KRT79: variants seen among roughly 807,000 people sequenced by gnomAD.
The protein encoded by KRT79 is keratin 79.
KRT79 carries 51 observed loss-of-function variants against 49.0 expected under a neutral mutation model. The observed-to-expected ratio is 1.04, with a 90% CI of 0.83 to 1.31. The LOEUF (loss-of-function observed/expected upper bound fraction) is 1.31. Ranked by LOEUF, KRT79 falls within the 40% of genes most tolerant of loss-of-function variation. The pLI is 0.00. For missense variants in KRT79, 728 were observed against 688.0 expected, an observed-to-expected ratio of 1.06 and a Z score of -0.65; for synonymous variants, 312 against 286.6, an observed-to-expected ratio of 1.09 and a Z score of -0.90.
intron 4 of KRT79, among the ~76,000 whole-genome samples, chr12:52,828,065 C>T (rs545800689): frequency 6.6e-6 from 1 of 152,300 alleles, no homozygotes; most frequent in East Asian, 1.9e-4. Flanking sequence ...ATAAGGCTGA[C>T]ATCAACCTCC....
Position 52,824,309 on chromosome 12 carries a change from C to A in KRT79, c.909G>T (p.Met303Ile). ...HVSNTNVVLS[M>I]DNNRNLDLDS... ...CCAGGTCCAGGTTGCGGTTGTTGTC[C>A]ATGGACAGCACCACATTGGTGTTAG... is the stretch of plus-strand genomic sequence containing the variant. Residue 303 changes from methionine to isoleucine, a missense_variant, in exon 5 of 9, where the codon ATG becomes ATT. Physicochemically the swap from Met to Ile is conservative, Grantham distance 10. Transcript: ENST00000330553. 1 of 1,614,214 alleles carries A rather than the reference C, an allele frequency of 6.2e-7. No homozygotes were observed. The highest frequency in any genetic ancestry group is 8.5e-7 in the Non-Finnish European group (1 of 1,180,042).
At chr12:52,827,660 G>A (rs1940195691) in intron 4 of KRT79, among the ~76,000 whole-genome samples, 1 of 152,164 alleles carries the variant, frequency 6.6e-6, no homozygotes, top group Admixed American at 6.5e-5. Context: ...AAACACCAAA[G>A]CCAGGGGTCA....
In KRT79 at chr12:52,824,535, A is replaced by G. The variant is rs73305808; in HGVS notation, c.856-173T>C. ...AGGAAAGGCCTCAGTCTCCCCAGCT[A>G]TAAAATGAAGCTCCCATTTTTACAG... On this transcript the variant is annotated intron_variant, in intron 4 of 8. Transcript: ENST00000330553. 6.6e-3 allele frequency among the ~76,000 whole-genome samples: 1,012 copies of G among 152,392 alleles called. 10 individuals are homozygous for G. The highest frequency in any genetic ancestry group is 0.023 in the African/African-American group (962 of 41,598).
Position 52,834,150 on chromosome 12 carries a change from C to T in KRT79, c.111G>A (p.Thr37=), listed in dbSNP as rs373619417. The change falls in exon 1 of 9, where the codon ACG becomes ACA. Residue 37 remains threonine (T), a synonymous_variant. Transcript: ENST00000330553. ...SQARTSFSSV[T]VSRSSGSGGG... Reference sequence around the variant, plus strand: ...CACCACTGCCACTGCTCCGAGACACCGTCACTGAGCTGAAGCTGGTGCGGG... The same window carrying T: ...CACCACTGCCACTGCTCCGAGACACTGTCACTGAGCTGAAGCTGGTGCGGG... 1.2e-5 allele frequency: 19 copies of T among 1,613,574 alleles called. No individual in the cohort carries two copies. Among genetic ancestry groups the T allele is most frequent in the East Asian group, 6.7e-5 (3 of 44,834 alleles).
chr12:52,825,456 C>G (rs536708240), intron 4 of KRT79, among the ~76,000 whole-genome samples: 4 of 152,280 alleles, frequency 2.6e-5, no homozygotes, highest in African/African-American at 9.6e-5. Flanking sequence ...ATTACATGCC[C>G]TTTTCCAGTA....
At chr12:52,829,902 T>C (rs1592318464) in intron 4 of KRT79, 121 bp downstream of exon 4, 17 of 792,656 alleles carry the variant, frequency 2.1e-5, no homozygotes, top group South Asian at 5.1e-5. Flanking sequence ...AAAAAAAAAG[T>C]GTTAAGGTTT....
Position 52,821,931 on chromosome 12 carries a change from CAG to C in KRT79, c.1547_1548del (p.Ser516CysfsTer95). 1 of 1,614,178 alleles carries C rather than the reference CAG, an allele frequency of 6.2e-7. No homozygotes were observed. Among genetic ancestry groups the C allele is most frequent in the Middle Eastern group, 1.6e-4 (1 of 6,062 alleles). On this transcript the variant is annotated frameshift_variant, in exon 9 of 9. Transcript: ENST00000330553. LOFTEE classifies it high-confidence loss of function. ...GTCTTCCGCAGGATGGAGGTGCCCG[CAG>C]AGACTGGCCCTCCCTTGACGGTGCT... The part of the protein sequence containing the change: ...GYSTVKGGPV[S>X]AGTSILRKTT...
In KRT79 at chr12:52,824,319, A is replaced by G; in HGVS notation, c.899T>C (p.Val300Ala). Residue 300 changes from valine (V) to alanine (A), a missense_variant, in exon 5 of 9, where the codon GTG becomes GCG. Physicochemically the swap from Val to Ala is moderately conservative, Grantham distance 64. Coordinates refer to ENST00000330553, the MANE Select transcript of KRT79 (RefSeq NM_175834.3). ...VQTHVSNTNVVLSMDNNRNLD... is the reference protein window; with the variant it reads ...VQTHVSNTNVALSMDNNRNLD... ...GTTGCGGTTGTTGTCCATGGACAGC[A>G]CCACATTGGTGTTAGACACGTGGGT... 1 of 1,614,208 alleles carries G rather than the reference A, an allele frequency of 6.2e-7. No homozygotes were observed. The highest frequency in any genetic ancestry group is 8.5e-7 in the Non-Finnish European group (1 of 1,180,046).
chr12:52,823,115 G>A lies in KRT79; in HGVS notation c.1268C>T (p.Thr423Ile), dbSNP rs1940121493. Residue 423 changes from threonine to isoleucine, a missense_variant, in exon 7 of 9, where the codon ACA becomes ATA. Thr to Ile is a moderately conservative substitution (Grantham distance 89). Transcript: ENST00000330553. ...CTCCTGGTAGTCACGCAGCAGCCGT[G>A]TCAGGTCCTCCTTGGCCTGGTGCAG... ...VALHQAKEDLTRLLRDYQELM... is the reference protein window; with the variant it reads ...VALHQAKEDLIRLLRDYQELM... The A allele has an allele frequency of 1.1e-5, 18 of 1,614,090 alleles. No homozygotes were observed. The highest frequency in any genetic ancestry group is 2.2e-5 in the East Asian group (1 of 44,894).
intron 7 of KRT79, 132 bp downstream of exon 7, chr12:52,822,884 T>C (rs760530645): frequency 1.8e-4 from 149 of 829,744 alleles, no homozygotes; most frequent in Non-Finnish European, 2.4e-4. Context: ...CAAGCAGATT[T>C]TCCCCCCGCG....
At chr12:52,822,251 G>C (rs753830566) in intron 8 of KRT79, 94 bp downstream of exon 8, 6 of 1,389,726 alleles carry the variant, frequency 4.3e-6, no homozygotes, top group African/African-American at 4.3e-5. Flanking sequence ...GAATGGAGGA[G>C]AGCATGCTTT....
In KRT79 at chr12:52,822,050, C is replaced by CA; in HGVS notation, c.1429dup (p.Cys477LeufsTer32). ...TCCAAAGCTGGCTGCGCCACCTCCG[C>CA]ACACAGTGGTGGAGTTGCCAGTCAC... On this transcript the variant is annotated frameshift_variant, in exon 9 of 9. Coordinates refer to ENST00000330553, the MANE Select transcript of KRT79 (RefSeq NM_175834.3). LOFTEE classifies it low-confidence loss of function (END_TRUNC). The CA allele has an allele frequency of 6.2e-7, 1 of 1,614,158 alleles. No individual in the cohort carries two copies.
intron 6 of KRT79, 83 bp from the exon 7 acceptor site, chr12:52,823,319 C>G (rs1940127216): frequency 2.7e-6 from 3 of 1,106,158 alleles, no homozygotes; most frequent in Non-Finnish European, 4.0e-6. Context: ...GAGACATCAT[C>G]ATTCCCACAT....
intron 2 of KRT79, 26 bp downstream of exon 2, chr12:52,831,380 G>C (rs763612295): frequency 6.2e-7 from 1 of 1,605,936 alleles, no homozygotes; most frequent in Non-Finnish European, 8.5e-7. Context: ...ACTCCCACAT[G>C]GCCCCGCCTG....
Position 52,824,343 on chromosome 12 carries a change from G to C in KRT79, c.875C>G (p.Thr292Ser). The C allele has an allele frequency of 6.2e-7, 1 of 1,614,138 alleles. No individual in the cohort carries two copies. The highest frequency in any genetic ancestry group is 8.5e-7 in the Non-Finnish European group (1 of 1,179,978). The stretch of plus-strand genomic sequence containing the variant: ...CACCACATTGGTGTTAGACACGTGG[G>C]TCTGCACTTGGCTCAGCTCCTGAAG... ...LYEMELSQVQ[T>S]HVSNTNVVLS... The change falls in exon 5 of 9, where the codon ACC (threonine) becomes AGC (serine). Residue 292 changes from threonine (T) to serine (S), a missense_variant. Physicochemically the swap from Thr to Ser is moderately conservative, Grantham distance 58. Coordinates refer to ENST00000330553, the MANE Select transcript of KRT79 (RefSeq NM_175834.3).
At chr12:52,822,418 C>G (rs1441888459) in intron 7 of KRT79, 39 bp from the exon 8 acceptor site, 12 of 1,440,934 alleles carry the variant, frequency 8.3e-6, no homozygotes, top group Non-Finnish European at 1.1e-5. Flanking sequence ...AGTCAGTTAT[C>G]CCTGGTGCCC....
chr12:52,823,356 G>C (rs1477551935), intron 6 of KRT79, 120 bp from the exon 7 acceptor site: 7 of 801,054 alleles, frequency 8.7e-6, no homozygotes, highest in Non-Finnish European at 1.4e-5. Flanking sequence ...CTGGGAAAGA[G>C]AGAAGAGAAA....
At chr12:52,830,210 T>A (rs1245386279) in intron 3 of KRT79, 22 bp downstream of exon 3, 4 of 1,613,826 alleles carry the variant, frequency 2.5e-6, no homozygotes, top group Non-Finnish European at 3.4e-6. Context: ...AAGGACCACC[T>A]CCCCCACTCC....
At chr12:52,829,798 G>C (rs1486241356) in intron 4 of KRT79, among the ~76,000 whole-genome samples, 1 of 152,140 alleles carries the variant, frequency 6.6e-6, no homozygotes, top group Non-Finnish European at 1.5e-5. Context: ...CTACTCCAGT[G>C]GCTAAAGCAG....
Sources: gnomAD v4.1 joint callset for allele counts (sites outside exome capture counted in the v4.1 genomes callset) on GRCh38, gnomAD v4.1.1 for gene constraint, MANE v1.5 for transcripts, NCBI Gene and HGNC (gene_info 2026-07-23, HGNC 2026-07-21) for gene names.